Variants in ZNF280D observed in about 807,000 individuals in gnomAD.
ZNF280D encodes the protein zinc finger protein 280D, also known as suppressor of hairy wing homolog 4.
A neutral mutation model predicts 94.7 loss-of-function variants in ZNF280D; 39 were observed. The observed-to-expected ratio is 0.41, with a 90% CI of 0.32 to 0.54. ZNF280D has a LOEUF of 0.54. Ranked by LOEUF, ZNF280D falls within the 20% of genes least tolerant of loss-of-function variation. The pLI, the probability that ZNF280D is intolerant of heterozygous loss-of-function variation, is 0.22. For synonymous variants in ZNF280D, 398 were observed against 377.6 expected, an observed-to-expected ratio of 1.05 and a Z score of -0.63; for missense variants, 1,090 against 1,149.3, an observed-to-expected ratio of 0.95 and a Z score of 0.75.
chr15:56,693,006 A>G (rs2056514292), intron 7 of ZNF280D, 92 bp downstream of exon 7: 1 of 713,184 alleles, frequency 1.4e-6, no homozygotes, highest in Non-Finnish European at 2.4e-6. Flanking sequence ...ACTTCACACA[A>G]GGGTAGGGAC....
chr15:56,728,566 T>C (rs543780027), intron 1 of ZNF280D, among the ~76,000 whole-genome samples: 1 of 152,264 alleles, frequency 6.6e-6, no homozygotes, highest in East Asian at 1.9e-4. Flanking sequence ...ATGATGTACA[T>C]GCAAAAAGAC....
chr15:56,713,294 A>C (rs2057869677), intron 1 of ZNF280D, among the ~76,000 whole-genome samples: 1 of 152,194 alleles, frequency 6.6e-6, no homozygotes. Context: ...ATAAAAATGA[A>C]GTTCAACTAA....
At chr15:56,651,391 A>T (rs1012242299) in intron 19 of ZNF280D, among the ~76,000 whole-genome samples, 2 of 152,230 alleles carry the variant, frequency 1.3e-5, no homozygotes, top group African/African-American at 4.8e-5. Context: ...ACTAAAACTC[A>T]TTAGCACTAA....
At chr15:56,673,084 G>C (rs932604092) in intron 13 of ZNF280D, among the ~76,000 whole-genome samples, 6 of 152,018 alleles carry the variant, frequency 3.9e-5, no homozygotes, top group Admixed American at 6.6e-5. Context: ...AAGTTCACCA[G>C]AGTTGAGTTC....
At chr15:56,709,261 CTCA>C (rs1222722101) in intron 1 of ZNF280D, among the ~76,000 whole-genome samples, 3 of 152,112 alleles carry the variant, frequency 2.0e-5, no homozygotes, top group African/African-American at 4.8e-5. Context: ...TGAAAAAATG[CTCA>C]TCATCACTGG....
intron 1 of ZNF280D, among the ~76,000 whole-genome samples, chr15:56,717,978 T>C (rs1415893502): frequency 6.6e-6 from 1 of 152,114 alleles, no homozygotes; most frequent in Non-Finnish European, 1.5e-5. Flanking sequence ...TATGAAAAAT[T>C]TAAACATTAT....
At position 56,666,407 on chromosome 15, in the gene ZNF280D, T is replaced by C; in HGVS notation, c.1982A>G (p.Asn661Ser). The change falls in exon 16 of 22, where the codon AAT becomes AGT. Residue 661 changes from asparagine (N) to serine (S), a missense_variant. Asn to Ser is a conservative substitution (Grantham distance 46). Transcript: ENST00000267807. ...YNTSCSKAYV[N>S]HMMSFHSNRP... is the part of the protein sequence containing the mutation. ...TAATTCATCTTACCTCATCATATGA[T>C]TTACATAGGCTTTGCTACAGCTAGT... The C allele has an allele frequency of 6.2e-7, 1 of 1,609,256 alleles. No homozygotes were observed. Among genetic ancestry groups the C allele is most frequent in the South Asian group, 1.1e-5 (1 of 89,802 alleles).
At chr15:56,725,063 C>T (rs1406337810) in intron 1 of ZNF280D, 1 of 295,118 alleles carries the variant, frequency 3.4e-6, no homozygotes, top group Non-Finnish European at 6.8e-6. Flanking sequence ...CCTAAAACCC[C>T]CAGGCCTCTC....
In ZNF280D at chr15:56,643,043, T is replaced by C. The variant is rs1235213112; in HGVS notation, c.2214-46A>G. 4.0e-6 allele frequency: 5 copies of C among 1,242,990 alleles called. No homozygotes were observed. In the African/African-American group the frequency reaches 4.7e-5, roughly 12 times the overall value. The allele number at this position is 1,242,990 out of a possible 1,614,324, so 77.0% of individuals were successfully genotyped here. A position where few individuals can be genotyped will look rare whatever the true frequency, so the allele number is the denominator to read the frequency against. The stretch of plus-strand genomic sequence containing the variant: ...TGAATATTTTATTTTATATGTACGA[T>C]GGTAAAATATGAAACAGTTCTTTCT... On this transcript the variant is annotated intron_variant, in intron 19 of 21. Coordinates refer to ENST00000267807, the MANE Select transcript of ZNF280D (RefSeq NM_017661.4).
At chr15:56,731,147 G>A (rs2058861683) in intron 1 of ZNF280D, among the ~76,000 whole-genome samples, 1 of 152,110 alleles carries the variant, frequency 6.6e-6, no homozygotes, top group Non-Finnish European at 1.5e-5. Context: ...ACTATCAGGA[G>A]GAACTATCAC....
At chr15:56,652,661 C>T (rs899335261) in intron 19 of ZNF280D, 1 of 985,308 alleles carries the variant, frequency 1.0e-6, no homozygotes, top group Non-Finnish European at 1.2e-6. Context: ...AAAGGAGCTA[C>T]ATTAATGGCT....
intron 19 of ZNF280D, chr15:56,653,820 T>G: frequency 8.0e-7 from 1 of 1,256,966 alleles, no homozygotes; most frequent in Non-Finnish European, 1.0e-6. Flanking sequence ...ATGTTATTTT[T>G]AGACAGCGCA....
intron 3 of ZNF280D, among the ~76,000 whole-genome samples, chr15:56,706,292 T>C (rs2057398440): frequency 6.7e-6 from 1 of 149,974 alleles, no homozygotes; most frequent in South Asian, 2.1e-4. Flanking sequence ...CTGGCCAACA[T>C]GGTGAAACCC....
chr15:56,668,828 T>A lies in ZNF280D; in HGVS notation c.1540A>T (p.Thr514Ser). 2 of 1,600,612 alleles carry A rather than the reference T, an allele frequency of 1.2e-6. No individual in the cohort carries two copies. The highest frequency in any genetic ancestry group is 1.7e-6 in the Non-Finnish European group (2 of 1,175,310). ...PKQLEGLPPGTKVTIRASVGP... is the reference protein window; with the variant it reads ...PKQLEGLPPGSKVTIRASVGP... ...TACAATATATTTTAACTCACTTTTG[T>A]TCCAGGAGGCAATCCTTCTAGTTGT... The change falls in exon 14 of 22, where the codon ACA becomes TCA. Residue 514 changes from threonine to serine, a missense_variant. Thr to Ser is a moderately conservative substitution (Grantham distance 58, BLOSUM62 1). Around this residue, in one of 3 missense-constraint regions of ZNF280D, gnomAD observed 577 missense variants for 568.8 expected, o/e 1.01. Transcript: ENST00000267807.
At chr15:56,704,378 T>C (rs1355530730) in intron 3 of ZNF280D, 111 bp from the exon 4 acceptor site, 1 of 1,058,426 alleles carries the variant, frequency 9.4e-7, no homozygotes, top group African/African-American at 1.6e-5. Context: ...TTAATAGCAA[T>C]TTCTGAATTG....
chr15:56,654,899 A>G, intron 17 of ZNF280D: 1 of 451,788 alleles, frequency 2.2e-6, no homozygotes, highest in Non-Finnish European at 4.5e-6. Context: ...CTATTTTTAT[A>G]TATACTGTAC....
chr15:56,684,584 G>A (rs557463779), intron 9 of ZNF280D, among the ~76,000 whole-genome samples: 1 of 147,944 alleles, frequency 6.8e-6, no homozygotes, highest in East Asian at 2.0e-4. Context: ...GGAATACAGT[G>A]GTGAGTAGAC....
chr15:56,720,619 A>G (rs2058305182), intron 1 of ZNF280D, among the ~76,000 whole-genome samples: 1 of 152,192 alleles, frequency 6.6e-6, no homozygotes, highest in Non-Finnish European at 1.5e-5. Flanking sequence ...CAGCAGTTAC[A>G]CCCTTACAAA....
rs570993565 is a variant in ZNF280D at position 56,698,190 on chromosome 15, T to G, written c.381+2743A>C. ...TCATTGGTCTATCTTAGCTTTTAAA[T>G]GTATGTTTTACCCATGCATACTTTT... On this transcript the variant is annotated intron_variant, in intron 6 of 21. Transcript: ENST00000267807. 2.6e-5 allele frequency: 4 copies of G among 152,362 alleles called. No homozygotes were observed. In the East Asian group the frequency reaches 7.7e-4, roughly 29 times the overall value. 9.4% of individuals were successfully genotyped at this position (152,362 alleles called of 1,614,324 possible). A position where few individuals can be genotyped will look rare whatever the true frequency, so the allele number is the denominator to read the frequency against.
Sources: gnomAD v4.1 joint callset for allele counts (sites outside exome capture counted in the v4.1 genomes callset) on GRCh38, gnomAD v4.1.1 for gene constraint, gnomAD v4.1.1 regional missense constraint, MANE v1.5 for transcripts, NCBI Gene and HGNC (gene_info 2026-07-23, HGNC 2026-07-21) for gene names.